Variants in DOCK3 observed in about 807,000 individuals in gnomAD.
DOCK3 encodes dedicator of cytokinesis 3, also known as dedicator of cytokinesis protein 3.
A neutral mutation model predicts 265.6 loss-of-function variants in DOCK3; 60 were observed. The ratio of observed to expected loss-of-function variants is 0.23; its 90% confidence interval spans 0.18 to 0.28. DOCK3 has a LOEUF of 0.28. Ranked by LOEUF, DOCK3 falls within the 10% of genes least tolerant of loss-of-function variation. The pLI, the probability that DOCK3 is intolerant of heterozygous loss-of-function variation, is 1.00. For synonymous variants in DOCK3, 881 were observed against 938.0 expected (o/e 0.94, Z 1.11); for missense variants, 1,981 against 2,594.3 (o/e 0.76, Z 5.14).
intron 21 of DOCK3, among the ~76,000 whole-genome samples, chr3:51,239,199 T>TTGTATTTATTTA (rs1553805832): frequency 1.4e-5 from 2 of 146,616 alleles, no homozygotes; most frequent in South Asian, 4.4e-4. Flanking sequence ...AAAGCGTACT[T>TTGTATTTATTTA]TTTATTTATT....
chr3:51,085,319 T>G (rs7653451), intron 7 of DOCK3, among the ~76,000 whole-genome samples: 2 of 152,288 alleles, frequency 1.3e-5, no homozygotes, highest in East Asian at 3.9e-4. Flanking sequence ...ATAGAACAAA[T>G]GTACTTAACA....
At chr3:51,380,283 C>A in intron 52 of DOCK3, 76 bp downstream of exon 52, 2 of 1,378,280 alleles carry the variant, frequency 1.5e-6, no homozygotes, top group Admixed American at 2.0e-5. Flanking sequence ...CCCTTGGGGT[C>A]TACAGGAGGA....
intron 22 of DOCK3, among the ~76,000 whole-genome samples, chr3:51,250,871 TTTA>T (rs1030954711): frequency 5.9e-5 from 9 of 152,324 alleles, no homozygotes; most frequent in African/African-American, 1.9e-4. Context: ...TTTTTGTTTT[TTTA>T]TTATTGTTAT....
At chr3:51,051,869 G>T (rs2081005428) in intron 5 of DOCK3, among the ~76,000 whole-genome samples, 1 of 152,046 alleles carries the variant, frequency 6.6e-6, no homozygotes, top group African/African-American at 2.4e-5. Flanking sequence ...GGAGCAAGGG[G>T]GTGGGAGAGG....
At chr3:50,693,010 C>T (rs187961163) in intron 1 of DOCK3, among the ~76,000 whole-genome samples, 155 of 152,290 alleles carry the variant, frequency 1.0e-3, no homozygotes, top group Non-Finnish European at 1.7e-3. Flanking sequence ...ATGGTCTTGG[C>T]ACCATGGTCG....
intron 22 of DOCK3, among the ~76,000 whole-genome samples, chr3:51,253,373 T>A (rs368009475): frequency 6.6e-6 from 1 of 152,162 alleles, no homozygotes; most frequent in African/African-American, 2.4e-5. Context: ...ATGATGCTGG[T>A]CTCATAAAAC....
chr3:50,986,642 T>C (rs904320830), intron 5 of DOCK3, among the ~76,000 whole-genome samples: 2 of 152,262 alleles, frequency 1.3e-5, no homozygotes, highest in East Asian at 1.9e-4. Flanking sequence ...GGATTTTCTC[T>C]GTTAACATTA....
intron 5 of DOCK3, among the ~76,000 whole-genome samples, chr3:50,973,034 G>C (rs547400616): frequency 4.1e-4 from 23 of 56,780 alleles, no homozygotes; most frequent in Middle Eastern, 0.026. Flanking sequence ...ACAATCCGTG[G>C]CATTCAGTGT....
chr3:51,049,921 T>G (rs1252186964), intron 5 of DOCK3, among the ~76,000 whole-genome samples: 1 of 151,838 alleles, frequency 6.6e-6, no homozygotes, highest in Non-Finnish European at 1.5e-5. Context: ...GTCTGTGTAC[T>G]GATAAAGAAA....
intron 9 of DOCK3, among the ~76,000 whole-genome samples, chr3:51,143,417 C>T (rs2085156733): frequency 1.3e-5 from 2 of 150,880 alleles, no homozygotes; most frequent in African/African-American, 4.9e-5. Flanking sequence ...TTACAGGCAC[C>T]CGCCACTATG....
At chr3:51,095,105 CTT>C (rs2082790646) in intron 9 of DOCK3, among the ~76,000 whole-genome samples, 2 of 151,306 alleles carry the variant, frequency 1.3e-5, no homozygotes, top group South Asian at 2.1e-4. Flanking sequence ...GGTCTTGACT[CTT>C]TATCCAATTT....
chr3:51,221,444 A>G (rs1414107640), intron 14 of DOCK3, among the ~76,000 whole-genome samples: 2 of 152,176 alleles, frequency 1.3e-5, no homozygotes, highest in Non-Finnish European at 2.9e-5. Flanking sequence ...TTTACATTTT[A>G]AAAGTGTTGT....
chr3:51,309,145 A>G (rs1374503664), intron 27 of DOCK3, among the ~76,000 whole-genome samples: 1 of 141,556 alleles, frequency 7.1e-6, no homozygotes, highest in Non-Finnish European at 1.5e-5. Context: ...GACAATGGGC[A>G]GCCAGGCAGA....
chr3:51,083,307 T>C (rs73833981), intron 7 of DOCK3, among the ~76,000 whole-genome samples: 7,096 of 152,252 alleles, frequency 0.047, 601 homozygotes, highest in African/African-American at 0.16. Flanking sequence ...TCTTTCCCTA[T>C]GTAAACCAAT....
At chr3:51,043,870 A>G (rs1575861478) in intron 5 of DOCK3, among the ~76,000 whole-genome samples, 1 of 152,184 alleles carries the variant, frequency 6.6e-6, no homozygotes. Flanking sequence ...TCAAAACCAC[A>G]ATGAGACACC....
intron 5 of DOCK3, among the ~76,000 whole-genome samples, chr3:51,047,720 T>G (rs140187972): frequency 6.6e-6 from 1 of 152,088 alleles, no homozygotes; most frequent in African/African-American, 2.4e-5. Context: ...AACAGACCAA[T>G]AACAAATAAG....
intron 2 of DOCK3, among the ~76,000 whole-genome samples, chr3:50,829,992 G>A (rs992850554): frequency 3.9e-5 from 6 of 152,220 alleles, no homozygotes; most frequent in Admixed American, 3.3e-4. Context: ...GATGATTATT[G>A]TGTAAATTTT....
intron 3 of DOCK3, among the ~76,000 whole-genome samples, chr3:50,865,228 A>T (rs2047084661): frequency 6.6e-6 from 1 of 152,124 alleles, no homozygotes; most frequent in Admixed American, 6.5e-5. Flanking sequence ...TGTGCTTTCA[A>T]ATTTTAGGTC....
intron 9 of DOCK3, among the ~76,000 whole-genome samples, chr3:51,116,026 G>A (rs1203606677): frequency 6.6e-6 from 1 of 152,176 alleles, no homozygotes; most frequent in Admixed American, 6.5e-5. Context: ...TACCAGTACT[G>A]TGCTGTTTTG....
Sources: gnomAD v4.1 joint callset for allele counts (sites outside exome capture counted in the v4.1 genomes callset) on GRCh38, gnomAD v4.1.1 for gene constraint, MANE v1.5 for transcripts, NCBI Gene and HGNC (gene_info 2026-07-23, HGNC 2026-07-21) for gene names.